SERPINE3: variants seen among roughly 807,000 people sequenced by gnomAD.
SERPINE3 encodes serpin family E member 3.
A neutral mutation model predicts 41.7 loss-of-function variants in SERPINE3; 43 were observed. That is an observed-to-expected ratio of 1.03 (90% CI 0.81 to 1.33). SERPINE3 has a LOEUF of 1.33. SERPINE3 is among the 40% of genes most tolerant of loss of function. The pLI is 0.00. For missense variants in SERPINE3, 440 were observed against 491.7 expected, an observed-to-expected ratio of 0.89 and a Z score of 0.99; for synonymous variants, 200 against 192.2, an observed-to-expected ratio of 1.04 and a Z score of -0.34.
At chr13:51,344,153 G>T in intron 3 of SERPINE3, 99 bp from the exon 4 acceptor site, 1 of 816,078 alleles carries the variant, frequency 1.2e-6, no homozygotes, top group South Asian at 1.6e-5. Flanking sequence ...CAAGAGTGGA[G>T]TTGCTGGCGT....
At chr13:51,361,969 A>G in intron 9 of SERPINE3, 76 bp downstream of exon 9, 1 of 1,611,176 alleles carries the variant, frequency 6.2e-7, no homozygotes, top group Non-Finnish European at 8.5e-7. Context: ...TTTGTCCACT[A>G]TCCCCTCAAA....
At position 51,364,265 on chromosome 13, in the gene SERPINE3, T is replaced by C; in HGVS notation, c.1198T>C (p.Ser400Pro). The change falls in exon 10 of 10, where the codon TCA becomes CCA. Residue 400 changes from serine to proline, a missense_variant. Transcript: ENST00000681248. ...GTTTGTCTTCAGTATTGGGAGAGTTTCAAATCCCCTAGACTAAATGCATGT... is the reference window on the plus strand; with the variant it reads ...GTTTGTCTTCAGTATTGGGAGAGTTCCAAATCCCCTAGACTAAATGCATGT... Reference protein sequence around the residue: ...TGFVFSIGRVSNPLD With the variant: ...TGFVFSIGRVPNPLD 6.8e-7 allele frequency: 1 copy of C among 1,479,324 alleles called. No homozygotes were observed. The allele number at this position is 1,479,324 out of a possible 1,614,324, so 91.6% of individuals were successfully genotyped here.
At chr13:51,361,551 C>A in intron 8 of SERPINE3, 187 bp downstream of exon 8, 3 of 585,766 alleles carry the variant, frequency 5.1e-6, no homozygotes, top group East Asian at 2.8e-5. Flanking sequence ...GAAGAGATAT[C>A]CATCCCATAA....
intron 2 of SERPINE3, 33 bp from the exon 3 acceptor site, chr13:51,341,042 G>T (rs375393298): frequency 1.1e-5 from 17 of 1,592,502 alleles, no homozygotes; most frequent in Non-Finnish European, 1.3e-5. Context: ...CCAGCTTCCA[G>T]CCTACCCTGC....
At chr13:51,354,915 T>A (rs1476002695) in intron 6 of SERPINE3, 128 bp from the exon 7 acceptor site, 1 of 625,712 alleles carries the variant, frequency 1.6e-6, no homozygotes, top group East Asian at 2.8e-5. Context: ...CCATGGAAGA[T>A]GAAGCTGGAA....
At chr13:51,363,451 T>C (rs1317513776) in intron 9 of SERPINE3, 1 of 151,624 alleles carries the variant, frequency 6.6e-6, no homozygotes, top group African/African-American at 2.4e-5. Flanking sequence ...AACTGACAAA[T>C]CTTACTAAGA....
chr13:51,346,011 A>G (rs111859677), intron 4 of SERPINE3, among the ~76,000 whole-genome samples: 2 of 152,206 alleles, frequency 1.3e-5, no homozygotes, highest in African/African-American at 2.4e-5. Flanking sequence ...TTCACCCCTC[A>G]TAAGTATGTG....
intron 6 of SERPINE3, among the ~76,000 whole-genome samples, chr13:51,353,252 ATATT>A (rs1299209762): frequency 6.6e-6 from 1 of 152,202 alleles, no homozygotes; most frequent in South Asian, 2.1e-4. Flanking sequence ...CACCATAATC[ATATT>A]TAGTTTCAAA....
Position 51,364,319 on chromosome 13 carries a change from T to A in SERPINE3, c.*37T>A. 8.0e-7 allele frequency: 1 copy of A among 1,257,252 alleles called. No individual in the cohort carries two copies. Among genetic ancestry groups the A allele is most frequent in the Non-Finnish European group, 1.1e-6 (1 of 913,544 alleles). 77.9% of individuals were successfully genotyped at this position (1,257,252 alleles called of 1,614,324 possible). ...CCACTTTCATCAATGCTTTTCTTCA[T>A]AAAGTTATAATTTCATTTTGCTATA... On this transcript the variant is annotated 3_prime_UTR_variant, in exon 10 of 10. Coordinates refer to ENST00000681248, the MANE Select transcript of SERPINE3 (RefSeq NM_001386375.1).
chr13:51,348,334 G>C lies in SERPINE3; in HGVS notation c.822G>C (p.Glu274Asp), dbSNP rs1955371728. The C allele has an allele frequency of 6.2e-7, 1 of 1,613,928 alleles. No individual in the cohort carries two copies. The highest frequency in any genetic ancestry group is 8.5e-7 in the Non-Finnish European group (1 of 1,179,882). The change falls in exon 6 of 10, where the codon GAG becomes GAC. Residue 274 changes from glutamate to aspartate, a missense_variant. By Grantham distance (45) the Glu-to-Asp change is conservative (BLOSUM62 2). Coordinates refer to ENST00000681248, the MANE Select transcript of SERPINE3 (RefSeq NM_001386375.1). ...AAGACACCCCCCTGAGCCACATCGA[G>C]CCACACCTCACAGCCAGCACCATCC... Reference protein sequence around the residue: ...RDKDTPLSHIEPHLTASTIHL... With the variant: ...RDKDTPLSHIDPHLTASTIHL...
intron 3 of SERPINE3, 122 bp downstream of exon 3, chr13:51,341,469 ACACT>A (rs1955291130): frequency 1.0e-6 from 1 of 971,520 alleles, no homozygotes. Context: ...GCTCATACTC[ACACT>A]CACTCTCTCC....
intron 7 of SERPINE3, among the ~76,000 whole-genome samples, chr13:51,359,963 T>C (rs1161530163): frequency 6.6e-6 from 1 of 152,082 alleles, no homozygotes; most frequent in Admixed American, 6.6e-5. Flanking sequence ...AATGTTTCTA[T>C]TGATTTTTAC....
intron 2 of SERPINE3, 81 bp downstream of exon 2, chr13:51,340,942 G>A: frequency 2.5e-6 from 2 of 808,162 alleles, no homozygotes; most frequent in Non-Finnish European, 3.9e-6. Flanking sequence ...AACCAAGACA[G>A]CTCAATGCAT....
chr13:51,348,671 C>A lies in SERPINE3; in HGVS notation c.899+260C>A, dbSNP rs374309981. 3.5e-5 allele frequency: 9 copies of A among 258,836 alleles called. No homozygotes were observed. In the East Asian group the frequency reaches 5.6e-4, roughly 16 times the overall value. The allele number at this position is 258,836 out of a possible 1,614,324, so 16.0% of individuals were successfully genotyped here. A position where few individuals can be genotyped will look rare whatever the true frequency, so the allele number is the denominator to read the frequency against. On this transcript the variant is annotated intron_variant, in intron 6 of 9. Coordinates refer to ENST00000681248, the MANE Select transcript of SERPINE3 (RefSeq NM_001386375.1). The stretch of plus-strand genomic sequence containing the variant: ...TCCAAGACAAGATATTCTGCCTTCA[C>A]TGGGCTGGAATGGAGCCCCCCAGGA...
intron 9 of SERPINE3, 73 bp from the exon 10 acceptor site, chr13:51,364,166 T>C (rs976309256): frequency 1.0e-4 from 71 of 695,844 alleles, no homozygotes; most frequent in Non-Finnish European, 1.5e-4. Context: ...AGTATTTGTA[T>C]AGAAGTAAAC....
chr13:51,349,769 C>T (rs374815404), intron 6 of SERPINE3, among the ~76,000 whole-genome samples: 10 of 152,168 alleles, frequency 6.6e-5, no homozygotes, highest in African/African-American at 2.4e-4. Flanking sequence ...CAAGGCAAGG[C>T]AGAAATCTTA....
In SERPINE3 at chr13:51,344,600, G is replaced by A; in HGVS notation, c.490+115G>A. 3.8e-6 allele frequency: 3 copies of A among 798,124 alleles called. No homozygotes were observed. The South Asian group carries it at 4.8e-5, about 13-fold the overall frequency. The allele number at this position is 798,124 out of a possible 1,614,324, so 49.4% of individuals were successfully genotyped here. ...CAGGCCACCTTCAATTACAGCAGAA[G>A]TCTGTCCTCTTAGGAGATCCTACCC... On this transcript the variant is annotated intron_variant, in intron 4 of 9. Coordinates refer to ENST00000681248, the MANE Select transcript of SERPINE3 (RefSeq NM_001386375.1).
intron 7 of SERPINE3, among the ~76,000 whole-genome samples, chr13:51,360,576 G>T (rs1023490468): frequency 6.6e-6 from 1 of 152,000 alleles, no homozygotes; most frequent in Non-Finnish European, 1.5e-5. Flanking sequence ...TTATCACTTA[G>T]TCCTATTTGC....
At position 51,341,219 on chromosome 13, in the gene SERPINE3, C is replaced by T. The variant is rs758250464; in HGVS notation, c.128C>T (p.Ala43Val). 35 of 1,613,886 alleles carry T rather than the reference C, an allele frequency of 2.2e-5. No homozygotes were observed. Among genetic ancestry groups the T allele is most frequent in the Non-Finnish European group, 2.7e-5 (32 of 1,179,888 alleles). ...CTTCACCTCTACCAGAGTGTGGCCGCGTGTAGAAATGAGACGAACTTTGTC... is the reference window on the plus strand; with the variant it reads ...CTTCACCTCTACCAGAGTGTGGCCGTGTGTAGAAATGAGACGAACTTTGTC... ...FALHLYQSVA[A>V]CRNETNFVIS... The change falls in exon 3 of 10, where the codon GCG (alanine) becomes GTG (valine). Residue 43 changes from alanine (A) to valine (V), a missense_variant. By Grantham distance (64) the Ala-to-Val change is moderately conservative (BLOSUM62 0). Transcript: ENST00000681248.
Sources: gnomAD v4.1 joint callset for allele counts (sites outside exome capture counted in the v4.1 genomes callset) on GRCh38, gnomAD v4.1.1 for gene constraint, MANE v1.5 for transcripts, NCBI Gene and HGNC (gene_info 2026-07-23, HGNC 2026-07-21) for gene names.